Variants in ADAMTSL3 observed in about 807,000 individuals in gnomAD.
The protein encoded by ADAMTSL3 is ADAMTS like 3.
A neutral mutation model predicts 201.7 loss-of-function variants in ADAMTSL3; 128 were observed. That is an observed-to-expected ratio of 0.63 (90% confidence interval 0.55 to 0.73). The LOEUF (loss-of-function observed/expected upper bound fraction) is 0.73, where lower values mean the gene tolerates loss of function less well. ADAMTSL3 is among the 30% of genes least tolerant of loss of function. The pLI is 0.00. For synonymous variants in ADAMTSL3, 738 were observed against 748.4 expected, an observed-to-expected ratio of 0.99 and a Z score of 0.23; for missense variants, 1,990 against 2,119.6, an observed-to-expected ratio of 0.94 and a Z score of 1.20.
chr15:83,779,963 C>A (rs1453017080), intron 4 of ADAMTSL3, among the ~76,000 whole-genome samples: 1 of 151,932 alleles, frequency 6.6e-6, no homozygotes, highest in Non-Finnish European at 1.5e-5. Flanking sequence ...CACTAAATGC[C>A]CACATCAAAA....
chr15:83,838,408 C>T (rs1281929849), intron 7 of ADAMTSL3, among the ~76,000 whole-genome samples, 193 bp downstream of exon 7: 2 of 152,062 alleles, frequency 1.3e-5, no homozygotes, highest in East Asian at 1.9e-4. Context: ...GAAGAGGACC[C>T]GTTTTCTTTG....
At chr15:83,844,804 CA>C (rs2064460501) in intron 7 of ADAMTSL3, among the ~76,000 whole-genome samples, 1 of 152,140 alleles carries the variant, frequency 6.6e-6, no homozygotes, top group Non-Finnish European at 1.5e-5. Flanking sequence ...GACTGTGTTG[CA>C]AAGGAATGTC....
At chr15:83,865,914 C>T (rs1182794628) in intron 8 of ADAMTSL3, among the ~76,000 whole-genome samples, 1 of 152,074 alleles carries the variant, frequency 6.6e-6, no homozygotes, top group South Asian at 2.1e-4. Flanking sequence ...AACAAATTTA[C>T]AAGAAAAAAA....
intron 9 of ADAMTSL3, among the ~76,000 whole-genome samples, chr15:83,871,901 GA>G (rs1379839718): frequency 5.3e-5 from 8 of 151,956 alleles, no homozygotes; most frequent in Admixed American, 5.2e-4. Context: ...TTTTCTGTAT[GA>G]AAAAAACCCT....
intron 6 of ADAMTSL3, among the ~76,000 whole-genome samples, chr15:83,833,009 A>C (rs116026016): frequency 0.012 from 1,815 of 152,338 alleles, 33 homozygotes; most frequent in African/African-American, 0.041. Flanking sequence ...TAGAATAAAA[A>C]TAAAAATAAT....
At chr15:83,783,794 A>G (rs563712686) in intron 4 of ADAMTSL3, among the ~76,000 whole-genome samples, 1 of 152,024 alleles carries the variant, frequency 6.6e-6, no homozygotes, top group African/African-American at 2.4e-5. Context: ...AAGAAGTTAA[A>G]AAAAAAGGAA....
At chr15:83,890,462 T>C (rs2065481248) in intron 11 of ADAMTSL3, among the ~76,000 whole-genome samples, 1 of 152,200 alleles carries the variant, frequency 6.6e-6, no homozygotes, top group Non-Finnish European at 1.5e-5. Flanking sequence ...GGGCTATGTG[T>C]TCCTAAGTTT....
intron 3 of ADAMTSL3, among the ~76,000 whole-genome samples, chr15:83,721,964 C>A (rs2062107558): frequency 6.6e-6 from 1 of 152,116 alleles, no homozygotes; most frequent in Non-Finnish European, 1.5e-5. Flanking sequence ...AACTCCTGAC[C>A]TCATGATCCG....
At chr15:83,901,190 T>A (rs1564473) in intron 15 of ADAMTSL3, among the ~76,000 whole-genome samples, 1 of 152,076 alleles carries the variant, frequency 6.6e-6, no homozygotes, top group Admixed American at 6.5e-5. Flanking sequence ...GGGGAATGGC[T>A]TCACAGTATT....
chr15:83,950,465 A>G (rs1188500012), intron 19 of ADAMTSL3, among the ~76,000 whole-genome samples: 2 of 151,944 alleles, frequency 1.3e-5, no homozygotes, highest in African/African-American at 4.8e-5. Context: ...TGTTCTTTTT[A>G]GTCAGGATAG....
intron 13 of ADAMTSL3, among the ~76,000 whole-genome samples, chr15:83,893,988 A>G (rs4414460): frequency 0.47 from 72,146 of 152,046 alleles, 19,904 homozygotes; most frequent in African/African-American, 0.74. Flanking sequence ...CAGCTACCAT[A>G]CTAAGAAGTA....
chr15:83,690,770 A>G (rs1467084368), intron 2 of ADAMTSL3, among the ~76,000 whole-genome samples: 1 of 152,218 alleles, frequency 6.6e-6, no homozygotes, highest in Non-Finnish European at 1.5e-5. Context: ...ATGCTTGTAC[A>G]GTAGTACTAA....
At chr15:83,683,405 C>T (rs1011918260) in intron 2 of ADAMTSL3, among the ~76,000 whole-genome samples, 6 of 152,166 alleles carry the variant, frequency 3.9e-5, no homozygotes, top group African/African-American at 1.4e-4. Flanking sequence ...AAGTCTTTCC[C>T]AATCCTCCCA....
intron 3 of ADAMTSL3, among the ~76,000 whole-genome samples, chr15:83,759,416 G>A (rs1170491579): frequency 2.0e-5 from 3 of 152,030 alleles, no homozygotes; most frequent in Non-Finnish European, 2.9e-5. Flanking sequence ...TAGTAGAGAC[G>A]GGGTTTCACC....
intron 20 of ADAMTSL3, among the ~76,000 whole-genome samples, chr15:83,971,865 G>A (rs1201269265): frequency 1.4e-5 from 2 of 148,132 alleles, no homozygotes; most frequent in Non-Finnish European, 3.0e-5. Context: ...CTGCTTAGGA[G>A]AGGAAAACAT....
rs1453761906 is a variant in ADAMTSL3, at chr15:84,025,300, A to C, written c.4520A>C (p.Gln1507Pro). Residue 1507 changes from glutamine to proline, a missense_variant, in exon 27 of 30, where the codon CAG becomes CCG. Physicochemically the swap from Gln to Pro is moderately conservative, Grantham distance 76 (BLOSUM62 -1). Coordinates refer to ENST00000286744, the MANE Select transcript of ADAMTSL3 (RefSeq NM_207517.3). ...TGCGGTGAAGGATACCACAGTCGGC[A>C]GGTGACGTGCAAGCGGACAAAAGCC... is the stretch of plus-strand genomic sequence containing the variant. ...VSCGEGYHSRQVTCKRTKANG... is the reference protein window; with the variant it reads ...VSCGEGYHSRPVTCKRTKANG... The C allele has an allele frequency of 1.2e-6, 2 of 1,614,090 alleles. No individual in the cohort carries two copies. The highest frequency in any genetic ancestry group is 1.7e-5 in the Admixed American group (1 of 60,018).
chr15:83,719,084 A>T (rs1257502512), intron 3 of ADAMTSL3, among the ~76,000 whole-genome samples: 1 of 152,222 alleles, frequency 6.6e-6, no homozygotes, highest in Non-Finnish European at 1.5e-5. Context: ...ACAGCCAAAC[A>T]GTGTACATCT....
intron 16 of ADAMTSL3, among the ~76,000 whole-genome samples, chr15:83,915,782 G>C (rs74026617): frequency 0.029 from 4,445 of 152,202 alleles, 207 homozygotes; most frequent in African/African-American, 0.1. Context: ...TTCACTTAGC[G>C]TAGTGTTTTC....
chr15:83,840,640 C>A (rs1006690943), intron 7 of ADAMTSL3, among the ~76,000 whole-genome samples: 6 of 152,082 alleles, frequency 3.9e-5, no homozygotes, highest in African/African-American at 1.2e-4. Context: ...AAGAAGGAAC[C>A]ATCAACAACA....
Sources: gnomAD v4.1 joint callset for allele counts (sites outside exome capture counted in the v4.1 genomes callset) on GRCh38, gnomAD v4.1.1 for gene constraint, MANE v1.5 for transcripts, NCBI Gene and HGNC (gene_info 2026-07-23, HGNC 2026-07-21) for gene names.